Variants in PRKG1 observed in about 807,000 individuals in gnomAD.
PRKG1 encodes cGMP-dependent protein kinase 1.
A neutral mutation model predicts 88.1 loss-of-function variants in PRKG1; 35 were observed. That is an observed-to-expected ratio of 0.40 (90% confidence interval 0.30 to 0.53). The LOEUF (loss-of-function observed/expected upper bound fraction) is 0.53, where lower values mean the gene tolerates loss of function less well. Among genes scored for constraint, PRKG1 ranks in the 20% least tolerant of loss-of-function variants. The pLI, the probability that PRKG1 is intolerant of heterozygous loss-of-function variation, is 0.59. For synonymous variants in PRKG1, 303 were observed against 292.5 expected (o/e 1.04, Z -0.37); for missense variants, 540 against 839.8 (o/e 0.64, Z 4.41).
intron 1 of PRKG1, among the ~76,000 whole-genome samples, chr10:51,043,981 AC>A (rs1329233980): frequency 6.6e-6 from 1 of 152,206 alleles, no homozygotes; most frequent in Non-Finnish European, 1.5e-5. Context: ...CTTCACAGGT[AC>A]TAACTCATTG....
At chr10:51,034,135 A>G (rs1008325672) in intron 1 of PRKG1, among the ~76,000 whole-genome samples, 1 of 152,162 alleles carries the variant, frequency 6.6e-6, no homozygotes, top group African/African-American at 2.4e-5. Flanking sequence ...TTTGCTTTAA[A>G]TATTTTTATT....
intron 2 of PRKG1, among the ~76,000 whole-genome samples, chr10:51,187,579 T>C (rs1469232644): frequency 6.6e-6 from 1 of 152,014 alleles, no homozygotes; most frequent in Non-Finnish European, 1.5e-5. Flanking sequence ...AGTGAATAGC[T>C]TGGGCAAACC....
intron 2 of PRKG1, among the ~76,000 whole-genome samples, chr10:51,223,707 T>C (rs2132095616): frequency 6.6e-6 from 1 of 152,330 alleles, no homozygotes; most frequent in African/African-American, 2.4e-5. Context: ...TTTATTATTA[T>C]AAAAACAATT....
At chr10:51,945,988 T>A (rs1168715408) in intron 5 of PRKG1, among the ~76,000 whole-genome samples, 1 of 151,246 alleles carries the variant, frequency 6.6e-6, no homozygotes, top group Non-Finnish European at 1.5e-5. Flanking sequence ...ATTTCCTGAA[T>A]CTGAATGTTG....
intron 3 of PRKG1, among the ~76,000 whole-genome samples, chr10:51,734,462 A>T (rs1217776723): frequency 1.3e-5 from 2 of 152,122 alleles, no homozygotes; most frequent in African/African-American, 4.8e-5. Context: ...CTGGCCCAAG[A>T]GCACACAATA....
At chr10:51,184,915 AGTGACAGCAG>A (rs371635324) in intron 2 of PRKG1, among the ~76,000 whole-genome samples, 9 of 152,156 alleles carry the variant, frequency 5.9e-5, no homozygotes, top group African/African-American at 2.2e-4. Context: ...GGAGAAACCT[AGTGACAGCAG>A]GTATACGAGA....
chr10:52,019,761 T>C (rs757894944), intron 5 of PRKG1, among the ~76,000 whole-genome samples: 3 of 152,176 alleles, frequency 2.0e-5, no homozygotes, highest in Non-Finnish European at 2.9e-5. Context: ...CTTCCTCAGA[T>C]TGCTTAAAGT....
At chr10:51,790,470 C>G (rs1271096983) in intron 3 of PRKG1, among the ~76,000 whole-genome samples, 1 of 152,058 alleles carries the variant, frequency 6.6e-6, no homozygotes, top group Non-Finnish European at 1.5e-5. Context: ...TATCTGTTTC[C>G]TAAAAGAGAA....
chr10:51,699,525 G>A, intron 3 of PRKG1: 5 of 1,611,650 alleles, frequency 3.1e-6, no homozygotes, highest in Non-Finnish European at 4.2e-6. Context: ...TCCATTGCCG[G>A]GTCTCTCACC....
chr10:52,266,251 T>C (rs996497472), intron 10 of PRKG1, among the ~76,000 whole-genome samples: 3 of 151,876 alleles, frequency 2.0e-5, no homozygotes, highest in Non-Finnish European at 1.5e-5. Context: ...ATGTGCAGGA[T>C]GTGCATGTTT....
chr10:51,521,081 G>C (rs1841724592), intron 3 of PRKG1, among the ~76,000 whole-genome samples: 1 of 152,216 alleles, frequency 6.6e-6, no homozygotes, highest in African/African-American at 2.4e-5. Context: ...CTAGGTCGGG[G>C]TTCAAAACCA....
intron 3 of PRKG1, among the ~76,000 whole-genome samples, chr10:51,512,986 A>T (rs1841462458): frequency 6.8e-6 from 1 of 146,260 alleles, no homozygotes; most frequent in Admixed American, 6.9e-5. Context: ...GGCTGCATAA[A>T]TGTCTTCTTT....
chr10:52,157,733 C>T (rs899328771), intron 8 of PRKG1, among the ~76,000 whole-genome samples: 3 of 151,326 alleles, frequency 2.0e-5, no homozygotes, highest in Non-Finnish European at 4.4e-5. Flanking sequence ...ATAGTTTCTT[C>T]TCCCTTTCTG....
At chr10:52,033,831 C>T (rs1190127098) in intron 5 of PRKG1, among the ~76,000 whole-genome samples, 1 of 151,884 alleles carries the variant, frequency 6.6e-6, no homozygotes, top group Non-Finnish European at 1.5e-5. Context: ...CACCCGGGTG[C>T]AGGCGGACTG....
chr10:51,999,042 C>T (rs1384142728), intron 5 of PRKG1, among the ~76,000 whole-genome samples: 1 of 152,174 alleles, frequency 6.6e-6, no homozygotes, highest in Non-Finnish European at 1.5e-5. Flanking sequence ...CACCTGTTTC[C>T]TCACCTCTGT....
chr10:51,245,208 A>G (rs1162291870), intron 2 of PRKG1: 2 of 151,774 alleles, frequency 1.3e-5, no homozygotes, highest in Non-Finnish European at 2.9e-5. Flanking sequence ...GATTTTTTTT[A>G]CTCTGAATAT....
At chr10:51,426,820 C>G (rs1429587236) in intron 2 of PRKG1, among the ~76,000 whole-genome samples, 1 of 152,134 alleles carries the variant, frequency 6.6e-6, no homozygotes. Flanking sequence ...TATAAAAATA[C>G]AGGTGATTTG....
At chr10:51,738,939 A>G (rs1837361779) in intron 3 of PRKG1, among the ~76,000 whole-genome samples, 1 of 152,202 alleles carries the variant, frequency 6.6e-6, no homozygotes, top group Admixed American at 6.5e-5. Flanking sequence ...AGCAACTATG[A>G]AAGACTTTAG....
At chr10:51,809,312 G>T (rs1839390851) in intron 4 of PRKG1, among the ~76,000 whole-genome samples, 1 of 152,066 alleles carries the variant, frequency 6.6e-6, no homozygotes, top group African/African-American at 2.4e-5. Context: ...TATTCAAAGG[G>T]CAGTGCTACT....
Sources: allele counts gnomAD v4.1 joint callset (sites outside exome capture counted in the v4.1 genomes callset), GRCh38; gene constraint gnomAD v4.1.1; transcripts MANE v1.5; gene names NCBI Gene and HGNC (gene_info 2026-07-23, HGNC 2026-07-21).